Variants in CYYR1 observed in about 807,000 individuals in gnomAD.
CYYR1 encodes the protein cysteine and tyrosine rich 1.
Under a neutral mutation model 15.2 loss-of-function variants are expected in CYYR1, and 14 were observed. The ratio of observed to expected loss-of-function variants is 0.92; its 90% CI spans 0.61 to 1.44. The LOEUF is 1.44. CYYR1 is among the 40% of genes most tolerant of loss of function. The probability of loss-of-function intolerance (pLI) is 0.00; values close to 1 mark genes in which losing one functional copy is unlikely to be tolerated. For synonymous variants in CYYR1, 80 were observed against 77.4 expected (o/e 1.03, Z -0.18); for missense variants, 228 against 209.5 (o/e 1.09, Z -0.54).
chr21:26,478,330 T>C (rs537563720), intron 3 of CYYR1, among the ~76,000 whole-genome samples: 2 of 152,202 alleles, frequency 1.3e-5, no homozygotes, highest in East Asian at 3.9e-4. Flanking sequence ...AGGTGACCTT[T>C]GATTAAAGAC....
At position 26,549,273 on chromosome 21, in the gene CYYR1, C is replaced by A. The variant is rs562497496; in HGVS notation, c.176+16993G>T. Among the ~76,000 whole-genome samples the A allele has an allele frequency of 6.6e-5, 10 of 152,180 alleles. No individual in the cohort carries two copies. In the South Asian group the frequency reaches 2.1e-3, roughly 32 times the overall value. On this transcript the variant is annotated intron_variant, in intron 2 of 3. Transcript: ENST00000652641. ...GGTTCTGCAGTTCTATGTGAGCACT[C>A]CCATCTCATAAATATTTAGACTAGA...
intron 2 of CYYR1, among the ~76,000 whole-genome samples, chr21:26,544,698 A>G (rs924461727): frequency 6.6e-6 from 1 of 152,244 alleles, no homozygotes; most frequent in South Asian, 2.1e-4. Flanking sequence ...ATTATTAAAC[A>G]TTATTTAAAT....
chr21:26,557,820 C>T (rs1979904105), intron 2 of CYYR1, among the ~76,000 whole-genome samples: 1 of 119,106 alleles, frequency 8.4e-6, no homozygotes, highest in East Asian at 3.7e-4. Flanking sequence ...TGGTTCATAC[C>T]CTACAGGCTT....
rs1601716172 is a variant in CYYR1 at position 26,468,646 on chromosome 21, G to A, written c.335-12C>T. The A allele has an allele frequency of 6.3e-7, 1 of 1,581,370 alleles. No individual in the cohort carries two copies. Among genetic ancestry groups the A allele is most frequent in the East Asian group, 2.2e-5 (1 of 44,512 alleles). ...GGGTGGTGGTCCTGCTGAAAAAGAA[G>A]GGGAAGAGAACATCAAGGAGTTAGC... is the stretch of plus-strand genomic sequence containing the variant. On this transcript the variant is annotated splice_polypyrimidine_tract_variant and intron_variant, in intron 3 of 3. Coordinates refer to ENST00000652641, the MANE Select transcript of CYYR1 (RefSeq NM_001320768.2).
intron 2 of CYYR1, among the ~76,000 whole-genome samples, chr21:26,544,474 G>A (rs956951993): frequency 2.6e-5 from 4 of 152,116 alleles, no homozygotes; most frequent in African/African-American, 9.7e-5. Context: ...GGCAATAAAA[G>A]GATTTATAAA....
intron 2 of CYYR1, among the ~76,000 whole-genome samples, chr21:26,553,136 A>G (rs1247450421): frequency 6.6e-6 from 1 of 152,032 alleles, no homozygotes; most frequent in African/African-American, 2.4e-5. Flanking sequence ...GAGGTTGATA[A>G]TTCTATTCTT....
At chr21:26,540,452 C>T (rs568702089) in intron 2 of CYYR1, among the ~76,000 whole-genome samples, 39 of 152,076 alleles carry the variant, frequency 2.6e-4, no homozygotes, top group Non-Finnish European at 5.1e-4. Flanking sequence ...CGAAAACAGA[C>T]GAAAAGTGAG....
intron 2 of CYYR1, among the ~76,000 whole-genome samples, chr21:26,517,279 C>G (rs1040566024): frequency 6.6e-6 from 1 of 152,152 alleles, no homozygotes; most frequent in African/African-American, 2.4e-5. Context: ...GCCTGTCCTT[C>G]TGCAATCCAT....
chr21:26,503,908 T>C (rs1437926937), intron 2 of CYYR1, among the ~76,000 whole-genome samples: 1 of 152,184 alleles, frequency 6.6e-6, no homozygotes, highest in Non-Finnish European at 1.5e-5. Context: ...CTATTAATTA[T>C]TTATTCAGAT....
At chr21:26,481,021 C>T (rs1014124185) in intron 2 of CYYR1, among the ~76,000 whole-genome samples, 5 of 152,014 alleles carry the variant, frequency 3.3e-5, no homozygotes, top group East Asian at 1.9e-4. Flanking sequence ...AATAAAACTT[C>T]GATTTCTACT....
intron 2 of CYYR1, among the ~76,000 whole-genome samples, chr21:26,545,770 A>C (rs1427317950): frequency 6.6e-6 from 1 of 151,258 alleles, no homozygotes; most frequent in East Asian, 1.9e-4. Flanking sequence ...TTTTTAGTAG[A>C]GATGGGGTTT....
rs562644631 is a variant in CYYR1 at position 26,544,619 on chromosome 21, T to G, written c.176+21647A>C. On this transcript the variant is annotated intron_variant, in intron 2 of 3. Coordinates refer to ENST00000652641, the MANE Select transcript of CYYR1 (RefSeq NM_001320768.2). Reference sequence around the variant, plus strand: ...CATCTCTAATGATGCTTTTGAAGGGTATACATCCTGGTGACCCTGAAGAAA... The same window carrying G: ...CATCTCTAATGATGCTTTTGAAGGGGATACATCCTGGTGACCCTGAAGAAA... Among the ~76,000 whole-genome samples the G allele has an allele frequency of 1.1e-4, 17 of 152,342 alleles. No homozygotes were observed. The South Asian group carries it at 3.5e-3, about 32-fold the overall frequency.
Position 26,572,913 on chromosome 21 carries a change from G to C in CYYR1, c.28C>G (p.Pro10Ala), listed in dbSNP as rs764514093. MDAPRLPVR[P>A]GVLLPKLVLL... ...ACCAACTTCGGAAGCAAGACCCCTG[G>C]ACGCACGGGTAGCCTCGGAGCGTCC... The change falls in exon 1 of 4, where the codon CCA becomes GCA. Residue 10 changes from proline (P) to alanine (A), a missense_variant. Pro to Ala is a conservative substitution (Grantham distance 27). Coordinates refer to ENST00000652641, the MANE Select transcript of CYYR1 (RefSeq NM_001320768.2). 1 of 1,614,084 alleles carries C rather than the reference G, an allele frequency of 6.2e-7. No homozygotes were observed. The highest frequency in any genetic ancestry group is 8.5e-7 in the Non-Finnish European group (1 of 1,180,010).
intron 2 of CYYR1, among the ~76,000 whole-genome samples, chr21:26,498,801 G>A (rs553570961): frequency 6.6e-6 from 1 of 152,274 alleles, no homozygotes; most frequent in African/African-American, 2.4e-5. Context: ...ATGGCGGCAG[G>A]AGACAGAAGT....
At chr21:26,486,396 A>G (rs1404267682) in intron 2 of CYYR1, among the ~76,000 whole-genome samples, 1 of 151,986 alleles carries the variant, frequency 6.6e-6, no homozygotes, top group Non-Finnish European at 1.5e-5. Flanking sequence ...TGATTATTTT[A>G]CATTTGATAT....
At chr21:26,473,845 G>A (rs908370703) in intron 3 of CYYR1, among the ~76,000 whole-genome samples, 7 of 152,078 alleles carry the variant, frequency 4.6e-5, no homozygotes, top group Non-Finnish European at 1.0e-4. Flanking sequence ...TTTTCCAGGA[G>A]AGCATGGCTT....
In CYYR1 at chr21:26,480,516, T is replaced by A. The variant is rs2065163141; in HGVS notation, c.177-87A>T. 7 of 1,364,548 alleles carry A rather than the reference T, an allele frequency of 5.1e-6. No homozygotes were observed. In the South Asian group the frequency reaches 7.7e-5, roughly 15 times the overall value. The allele number at this position is 1,364,548 out of a possible 1,614,324, so 84.5% of individuals were successfully genotyped here. A position where few individuals can be genotyped will look rare whatever the true frequency, so the allele number is the denominator to read the frequency against. On this transcript the variant is annotated intron_variant, in intron 2 of 3. Coordinates refer to ENST00000652641, the MANE Select transcript of CYYR1 (RefSeq NM_001320768.2). Reference sequence around the variant, plus strand: ...TAGAGCTCCATGATTATAGGACAAGTGTTTTCTTACAAATGTTCTTAAGGA... The same window carrying A: ...TAGAGCTCCATGATTATAGGACAAGAGTTTTCTTACAAATGTTCTTAAGGA...
intron 2 of CYYR1, among the ~76,000 whole-genome samples, chr21:26,520,113 G>GATAGATATATATATATATAT (rs1323824516): frequency 9.9e-5 from 12 of 120,702 alleles, no homozygotes; most frequent in African/African-American, 3.7e-4. Context: ...AAACCCAGGA[G>GATAGATATATATATATATAT]ATATATATAT....
intron 3 of CYYR1, among the ~76,000 whole-genome samples, chr21:26,473,973 AT>A (rs2065068144): frequency 6.6e-6 from 1 of 150,460 alleles, no homozygotes; most frequent in African/African-American, 2.5e-5. Flanking sequence ...GCTATTATCT[AT>A]TCTTACTCTT....
Sources: gnomAD v4.1 joint callset for allele counts (sites outside exome capture counted in the v4.1 genomes callset) on GRCh38, gnomAD v4.1.1 for gene constraint, MANE v1.5 for transcripts, NCBI Gene and HGNC (gene_info 2026-07-23, HGNC 2026-07-21) for gene names.